Variants in GMPR observed in about 807,000 individuals in gnomAD.
GMPR encodes the protein GMP reductase 1.
In GMPR, 31 loss-of-function variants were observed where a neutral mutation model predicts 38.4. The observed-to-expected ratio is 0.81, with a 90% CI of 0.61 to 1.09. GMPR has a LOEUF of 1.09. Among genes scored for constraint, GMPR ranks in the 50% least tolerant of loss-of-function variants. The pLI is 0.00. For missense variants in GMPR, 468 were observed against 453.7 expected, an observed-to-expected ratio of 1.03 and a Z score of -0.29; for synonymous variants, 162 against 173.3, an observed-to-expected ratio of 0.93 and a Z score of 0.51.
chr6:16,255,852 C>T (rs1046743955), intron 4 of GMPR, among the ~76,000 whole-genome samples: 1 of 152,174 alleles, frequency 6.6e-6, no homozygotes, highest in Non-Finnish European at 1.5e-5. Context: ...GGAGTAAAGT[C>T]TTCTTCTAAA....
intron 4 of GMPR, among the ~76,000 whole-genome samples, chr6:16,271,814 A>C (rs1250131073): frequency 1.3e-5 from 2 of 152,186 alleles, no homozygotes; most frequent in African/African-American, 4.8e-5. Context: ...ATTTTGGTGT[A>C]TTTTTTCATA....
At chr6:16,246,573 T>G (rs987058264) in intron 1 of GMPR, among the ~76,000 whole-genome samples, 1 of 151,956 alleles carries the variant, frequency 6.6e-6, no homozygotes, top group Non-Finnish European at 1.5e-5. Flanking sequence ...GAAGATAACA[T>G]GTATGTGGGT....
At chr6:16,256,351 T>TAAAAAAAAAA (rs200060049) in intron 4 of GMPR, among the ~76,000 whole-genome samples, 1 of 120,838 alleles carries the variant, frequency 8.3e-6, no homozygotes, top group African/African-American at 3.1e-5. Context: ...CTGCATCTAC[T>TAAAAAAAAAA]AAAAAAAAAA....
At chr6:16,277,333 A>G (rs1018154844) in intron 5 of GMPR, among the ~76,000 whole-genome samples, 24 of 152,142 alleles carry the variant, frequency 1.6e-4, no homozygotes, top group African/African-American at 5.8e-4. Context: ...TCTTGTCCCT[A>G]AAGACCCCTG....
intron 4 of GMPR, among the ~76,000 whole-genome samples, chr6:16,273,803 CCTCT>C (rs1759429285): frequency 6.6e-6 from 1 of 150,414 alleles, no homozygotes. Flanking sequence ...TTTGGGGGTC[CCTCT>C]AAGATTTTTT....
intron 4 of GMPR, 54 bp downstream of exon 4, chr6:16,254,789 G>C: frequency 7.5e-7 from 1 of 1,332,856 alleles, no homozygotes; most frequent in Non-Finnish European, 1.1e-6. Flanking sequence ...GAAGCCACGA[G>C]GGAGTTGTTC....
chr6:16,266,160 ATCTTTAAGAGCTGTAACAC>A (rs1759213654), intron 4 of GMPR, among the ~76,000 whole-genome samples: 1 of 44,652 alleles, frequency 2.2e-5, no homozygotes, highest in Admixed American at 1.9e-4. Flanking sequence ...AACACTTGCC[ATCTTTAAGAGCTGTAACAC>A]TTGCCATCTT....
chr6:16,271,153 G>A (rs1325245144), intron 4 of GMPR, among the ~76,000 whole-genome samples: 10 of 152,088 alleles, frequency 6.6e-5, no homozygotes, highest in South Asian at 2.1e-4. Context: ...AAAATGGTTC[G>A]CAGGTGGCGC....
chr6:16,275,370 G>A (rs77046465), intron 5 of GMPR, among the ~76,000 whole-genome samples: 2,927 of 152,274 alleles, frequency 0.019, 76 homozygotes, highest in African/African-American at 0.06. Flanking sequence ...CAGCTGGGAG[G>A]CGCAGGAGAC....
intron 7 of GMPR, among the ~76,000 whole-genome samples, chr6:16,287,114 T>G (rs891694368): frequency 6.6e-6 from 1 of 152,118 alleles, no homozygotes; most frequent in Non-Finnish European, 1.5e-5. Context: ...CTTCCTATTT[T>G]ATAGTTGAGG....
chr6:16,266,655 GAA>G (rs1389039115), intron 4 of GMPR, among the ~76,000 whole-genome samples: 1 of 151,550 alleles, frequency 6.6e-6, no homozygotes, highest in African/African-American at 2.4e-5. Flanking sequence ...ACAAAAAAAA[GAA>G]AAAATTAGCC....
At position 16,268,010 on chromosome 6, in the gene GMPR, G is replaced by A. The variant is rs539342599; in HGVS notation, c.466-6405G>A. Among the ~76,000 whole-genome samples the A allele has an allele frequency of 3.3e-5, 5 of 152,226 alleles. No individual in the cohort carries two copies. The South Asian group carries it at 6.2e-4, about 19-fold the overall frequency. Reference sequence around the variant, plus strand: ...GCTGTACGCCTCTTCACAGAGAGGCGGACACATTGAATGTTCCTTGAAAGC... The same window carrying A: ...GCTGTACGCCTCTTCACAGAGAGGCAGACACATTGAATGTTCCTTGAAAGC... On this transcript the variant is annotated intron_variant, in intron 4 of 8. Transcript: ENST00000259727.
intron 1 of GMPR, among the ~76,000 whole-genome samples, chr6:16,240,209 G>A (rs1758620515): frequency 6.6e-6 from 1 of 152,174 alleles, no homozygotes. Flanking sequence ...TTCTGAACCA[G>A]AAAACATGTT....
intron 7 of GMPR, among the ~76,000 whole-genome samples, chr6:16,287,482 T>C (rs1434016187): frequency 3.9e-5 from 6 of 152,168 alleles, no homozygotes; most frequent in South Asian, 2.1e-4. Context: ...TCTCAGTCAG[T>C]GCGGCCGTAC....
At chr6:16,251,048 T>C (rs1295695841) in intron 3 of GMPR, among the ~76,000 whole-genome samples, 1 of 152,120 alleles carries the variant, frequency 6.6e-6, no homozygotes, top group Non-Finnish European at 1.5e-5. Context: ...AGGTATAGAC[T>C]CAACAGAAAT....
At chr6:16,260,972 T>C (rs1430914110) in intron 4 of GMPR, among the ~76,000 whole-genome samples, 5 of 151,874 alleles carry the variant, frequency 3.3e-5, no homozygotes, top group African/African-American at 1.2e-4. Context: ...GCGTCAGGTA[T>C]GAGGAAGAAA....
chr6:16,290,286 A>G (rs1481322144), intron 7 of GMPR, 176 bp from the exon 8 acceptor site: 3 of 669,486 alleles, frequency 4.5e-6, no homozygotes, highest in African/African-American at 3.6e-5. Flanking sequence ...TTCTCCCTGC[A>G]TGGAAGCCTT....
chr6:16,261,063 A>AAG (rs1759074428), intron 4 of GMPR, among the ~76,000 whole-genome samples: 1 of 150,666 alleles, frequency 6.6e-6, no homozygotes, highest in Non-Finnish European at 1.5e-5. Context: ...AAGTATTAGG[A>AAG]CGGCGGCAGC....
At chr6:16,294,377 A>G (rs890777188) in intron 8 of GMPR, among the ~76,000 whole-genome samples, 4 of 152,342 alleles carry the variant, frequency 2.6e-5, no homozygotes, top group Admixed American at 6.5e-5. Context: ...AGCCACTTCA[A>G]TGAAATCACC....
Sources: gnomAD v4.1 joint callset for allele counts (sites outside exome capture counted in the v4.1 genomes callset) on GRCh38, gnomAD v4.1.1 for gene constraint, MANE v1.5 for transcripts, NCBI Gene and HGNC (gene_info 2026-07-23, HGNC 2026-07-21) for gene names.